The following PCDH7 variants were observed in gnomAD, a reference collection of about 807,000 sequenced individuals.
PCDH7 encodes the protein protocadherin 7.
Under a neutral mutation model 58.9 loss-of-function variants are expected in PCDH7, and 17 were observed. That is an observed-to-expected ratio of 0.29 (90% CI 0.20 to 0.43). PCDH7 has a LOEUF of 0.43. PCDH7 is among the 20% of genes least tolerant of loss of function. PCDH7 has a pLI of 1.00. For missense variants in PCDH7, 1,274 were observed against 1,441.0 expected (o/e 0.88, Z 1.88); for synonymous variants, 664 against 616.4 (o/e 1.08, Z -1.14).
chr4:30,807,385 C>T (rs1004928980), intron 1 of PCDH7, among the ~76,000 whole-genome samples: 2 of 152,106 alleles, frequency 1.3e-5, no homozygotes, highest in African/African-American at 2.4e-5. Context: ...TCATTATTTT[C>T]GAAGCAATGA....
intron 1 of PCDH7, among the ~76,000 whole-genome samples, chr4:30,804,675 C>A (rs1725962194): frequency 6.6e-6 from 1 of 152,134 alleles, no homozygotes; most frequent in Non-Finnish European, 1.5e-5. Context: ...TCTGCTGGTG[C>A]CTTGCTCTTG....
At chr4:30,920,437 G>A (rs1281696218) in intron 2 of PCDH7, 68 bp downstream of exon 2, 39 of 1,193,100 alleles carry the variant, frequency 3.3e-5, no homozygotes, top group Non-Finnish European at 4.4e-5. Context: ...ACTCGCGAAG[G>A]TCAGTCTAAA....
At chr4:30,809,592 A>G (rs918872167) in intron 1 of PCDH7, among the ~76,000 whole-genome samples, 1 of 152,234 alleles carries the variant, frequency 6.6e-6, no homozygotes, top group Non-Finnish European at 1.5e-5. Context: ...TAGGACAACA[A>G]TGATTGTCCA....
At chr4:30,844,781 A>C (rs763525445) in intron 1 of PCDH7, among the ~76,000 whole-genome samples, 3 of 152,188 alleles carry the variant, frequency 2.0e-5, no homozygotes, top group Non-Finnish European at 2.9e-5. Flanking sequence ...GAAAGAGAGC[A>C]GATTAATGTA....
intron 3 of PCDH7, among the ~76,000 whole-genome samples, chr4:30,957,885 T>A (rs1748015571): frequency 6.6e-6 from 1 of 152,154 alleles, no homozygotes; most frequent in Admixed American, 6.5e-5. Flanking sequence ...TGGGTCATAT[T>A]AAGTTAGTGG....
intron 3 of PCDH7, among the ~76,000 whole-genome samples, chr4:31,074,211 T>A (rs1260498031): frequency 6.6e-6 from 1 of 151,630 alleles, no homozygotes; most frequent in African/African-American, 2.4e-5. Flanking sequence ...CTTACTTATA[T>A]GTTTATTCTA....
In PCDH7 at chr4:30,985,753, A is replaced by G. The variant is rs141921492; in HGVS notation, c.*7+35538A>G. Among the ~76,000 whole-genome samples, 542 of 152,310 alleles carry G rather than the reference A, an allele frequency of 3.6e-3. 2 individuals carry two copies. Among genetic ancestry groups the G allele is most frequent in the Middle Eastern group, 0.014 (4 of 294 alleles). On this transcript the variant is annotated intron_variant, in intron 3 of 3. Transcript: ENST00000509759. ...TTCCAATTTTTGAACGTTTAAACCT[A>G]TGACTTAATCCTTGCTTTGCACAGG... is the stretch of plus-strand genomic sequence containing the variant.
intron 1 of PCDH7, among the ~76,000 whole-genome samples, chr4:30,753,172 C>T (rs1472297201): frequency 2.6e-5 from 4 of 152,112 alleles, no homozygotes; most frequent in Non-Finnish European, 5.9e-5. Flanking sequence ...AATAATGGGC[C>T]TATGAAAGAC....
intron 1 of PCDH7, among the ~76,000 whole-genome samples, chr4:30,896,481 T>G (rs1433086921): frequency 6.6e-6 from 1 of 152,118 alleles, no homozygotes; most frequent in African/African-American, 2.4e-5. Context: ...AGTTATAAAG[T>G]ATCTTATACT....
chr4:30,740,493 T>G (rs956212080), intron 1 of PCDH7, among the ~76,000 whole-genome samples: 5 of 152,182 alleles, frequency 3.3e-5, no homozygotes, highest in Non-Finnish European at 7.4e-5. Context: ...ATTCACTCAT[T>G]ATGTATATAG....
At chr4:30,750,939 T>C (rs1257794656) in intron 1 of PCDH7, among the ~76,000 whole-genome samples, 1 of 151,240 alleles carries the variant, frequency 6.6e-6, no homozygotes, top group African/African-American at 2.4e-5. Context: ...ATTTACAGAG[T>C]TGTTAAGGAA....
chr4:31,056,492 A>AGAAAGAAAGAAAGAAAGAAAGAAG (rs1560608770), intron 3 of PCDH7, among the ~76,000 whole-genome samples: 1 of 136,044 alleles, frequency 7.4e-6, no homozygotes, highest in Non-Finnish European at 1.6e-5. Context: ...AAAGAAAGAA[A>AGAAAGAAAGAAAGAAAGAAAGAAG]GAAAGAAAGA....
intron 1 of PCDH7, among the ~76,000 whole-genome samples, chr4:30,886,709 A>G (rs954081455): frequency 6.6e-6 from 1 of 151,658 alleles, no homozygotes; most frequent in Non-Finnish European, 1.5e-5. Context: ...AATAGCAAAG[A>G]CTTGGAACCA....
chr4:30,933,207 A>G (rs1451329752), intron 2 of PCDH7, among the ~76,000 whole-genome samples: 1 of 151,898 alleles, frequency 6.6e-6, no homozygotes, highest in Non-Finnish European at 1.5e-5. Context: ...TTGTATTTTT[A>G]GTAGAGACAG....
chr4:30,753,618 T>C (rs1718864175), intron 1 of PCDH7, among the ~76,000 whole-genome samples: 1 of 152,192 alleles, frequency 6.6e-6, no homozygotes, highest in African/African-American at 2.4e-5. Context: ...TAAGCTTCCA[T>C]GGCAAAGACA....
In PCDH7 at chr4:30,723,495, G is replaced by A. The variant is rs1026756129; in HGVS notation, c.2073G>A (p.Thr691=). Residue 691 remains threonine, a synonymous_variant, in exon 1 of 2, where the codon ACG becomes ACA. Transcript: ENST00000361762. This position sits in a 1 kb window ranked among gnomAD's most constrained non-coding sequence, Gnocchi z 4.6. ...ACATTTTTTCTATTGAAAATGACACGGGGACCATTTACTCCACAATGTCTT... is the reference window on the plus strand; with the variant it reads ...ACATTTTTTCTATTGAAAATGACACAGGGACCATTTACTCCACAATGTCTT... The A allele has an allele frequency of 6.2e-7, 1 of 1,613,944 alleles. No individual in the cohort carries two copies. The highest frequency in any genetic ancestry group is 1.3e-5 in the African/African-American group (1 of 74,904).
intron 1 of PCDH7, among the ~76,000 whole-genome samples, chr4:30,883,957 A>G (rs1368384865): frequency 1.3e-5 from 2 of 152,144 alleles, no homozygotes; most frequent in Non-Finnish European, 2.9e-5. Flanking sequence ...TTTATTGACA[A>G]ATTGGTTCCT....
At chr4:30,726,655 A>G (rs763382340) in intron 1 of PCDH7, among the ~76,000 whole-genome samples, 2 of 152,018 alleles carry the variant, frequency 1.3e-5, no homozygotes, top group South Asian at 2.1e-4. Context: ...AGCAATTGGA[A>G]TGAATCACAC....
Position 31,128,004 on chromosome 4 carries a change from T to A in PCDH7, c.*8-14469T>A, listed in dbSNP as rs1024888326. On this transcript the variant is annotated intron_variant, in intron 3 of 3. Coordinates refer to the PCDH7 transcript ENST00000509759. ...GTACCTATATGTGTGTGCATATATA[T>A]GTGTGTCCATGTGTATATATATACA... is the stretch of plus-strand genomic sequence containing the variant. Among the ~76,000 whole-genome samples the A allele has an allele frequency of 4.6e-5, 7 of 151,838 alleles. No individual in the cohort carries two copies. In the East Asian group the frequency reaches 9.7e-4, roughly 21 times the overall value.
Sources: allele counts gnomAD v4.1 joint callset (sites outside exome capture counted in the v4.1 genomes callset), GRCh38; gene constraint gnomAD v4.1.1; non-coding constraint Gnocchi (gnomAD v3.1); transcripts MANE v1.5; gene names NCBI Gene and HGNC (gene_info 2026-07-23, HGNC 2026-07-21).